PPFIA2: variants seen among roughly 807,000 people sequenced by gnomAD.
The protein encoded by PPFIA2 is liprin-alpha-2.
A neutral mutation model predicts 175.5 loss-of-function variants in PPFIA2; 46 were observed. That is an observed-to-expected ratio of 0.26 (90% CI 0.21 to 0.34). The LOEUF is 0.34. PPFIA2 is among the 10% of genes least tolerant of loss of function. The probability of loss-of-function intolerance (pLI) is 1.00; values close to 1 mark genes in which losing one functional copy is unlikely to be tolerated. For missense variants in PPFIA2, 1,179 were observed against 1,506.1 expected, an observed-to-expected ratio of 0.78 and a Z score of 3.60; for synonymous variants, 568 against 511.4, an observed-to-expected ratio of 1.11 and a Z score of -1.49.
At chr12:81,743,108 C>T (rs2082530312) in intron 3 of PPFIA2, among the ~76,000 whole-genome samples, 2 of 151,852 alleles carry the variant, frequency 1.3e-5, no homozygotes, top group African/African-American at 4.8e-5. Flanking sequence ...AAAATAAGAA[C>T]AGACGTAGCC....
intron 21 of PPFIA2, among the ~76,000 whole-genome samples, chr12:81,330,567 C>T (rs991743343): frequency 1.3e-5 from 2 of 152,140 alleles, no homozygotes; most frequent in African/African-American, 2.4e-5. Context: ...ATTTCCCAGT[C>T]CTTAAATTTC....
chr12:81,340,048 T>C (rs2057791469), intron 20 of PPFIA2, among the ~76,000 whole-genome samples: 1 of 152,152 alleles, frequency 6.6e-6, no homozygotes, highest in Non-Finnish European at 1.5e-5. Flanking sequence ...TTAGTTTCTA[T>C]AGTTGTTAAT....
intron 3 of PPFIA2, among the ~76,000 whole-genome samples, chr12:81,709,817 A>C (rs192277008): frequency 3.9e-5 from 6 of 152,096 alleles, no homozygotes; most frequent in Non-Finnish European, 7.4e-5. Context: ...GATATTTTTC[A>C]CTTGCCTGAT....
intron 4 of PPFIA2, among the ~76,000 whole-genome samples, chr12:81,645,163 TAAAG>T (rs1351257373): frequency 7.0e-6 from 1 of 143,560 alleles, no homozygotes; most frequent in East Asian, 2.0e-4. Flanking sequence ...GAAAAGGAAA[TAAAG>T]AAAGAGAGAT....
intron 4 of PPFIA2, among the ~76,000 whole-genome samples, chr12:81,561,517 C>T (rs185091992): frequency 2.0e-5 from 3 of 151,236 alleles, no homozygotes; most frequent in Non-Finnish European, 4.4e-5. Flanking sequence ...AGTCCCCCCC[C>T]AAAAAAAACG....
chr12:81,536,745 C>CATATATATAT (rs3075445), intron 4 of PPFIA2, among the ~76,000 whole-genome samples: 4,877 of 136,522 alleles, frequency 0.036, 127 homozygotes, highest in Middle Eastern at 0.052. Flanking sequence ...TATACATAAA[C>CATATATATAT]ATATATATAT....
chr12:81,343,366 A>T (rs879918076), intron 19 of PPFIA2, among the ~76,000 whole-genome samples: 1 of 152,108 alleles, frequency 6.6e-6, no homozygotes, highest in Non-Finnish European at 1.5e-5. Flanking sequence ...ATGGAGGTCA[A>T]AGAAAATAAG....
chr12:81,733,198 A>C (rs1327009382), intron 3 of PPFIA2, among the ~76,000 whole-genome samples: 1 of 151,586 alleles, frequency 6.6e-6, no homozygotes, highest in Non-Finnish European at 1.5e-5. Flanking sequence ...TCTTAAGAAT[A>C]TCTCTCTTTT....
At chr12:81,361,659 T>G (rs2030409745) in intron 15 of PPFIA2, among the ~76,000 whole-genome samples, 1 of 151,672 alleles carries the variant, frequency 6.6e-6, no homozygotes, top group Non-Finnish European at 1.5e-5. Context: ...AGATATTCAT[T>G]TATTCATTCT....
chr12:81,496,876 T>C (rs1290914009), intron 4 of PPFIA2, among the ~76,000 whole-genome samples: 1 of 152,118 alleles, frequency 6.6e-6, no homozygotes, highest in Non-Finnish European at 1.5e-5. Context: ...ATCTGAGAAG[T>C]TGGATATCCT....
At chr12:81,714,784 T>C (rs2078382765) in intron 3 of PPFIA2, among the ~76,000 whole-genome samples, 2 of 151,216 alleles carry the variant, frequency 1.3e-5, no homozygotes, top group Non-Finnish European at 2.9e-5. Context: ...ATGGAGATAT[T>C]GTACTTTAAT....
At chr12:81,530,225 T>A (rs914560540) in intron 4 of PPFIA2, among the ~76,000 whole-genome samples, 21 of 151,974 alleles carry the variant, frequency 1.4e-4, no homozygotes, top group African/African-American at 4.6e-4. Flanking sequence ...GCTCAAAATA[T>A]CAACTGTCTG....
intron 3 of PPFIA2, among the ~76,000 whole-genome samples, chr12:81,685,201 T>C (rs1177774402): frequency 6.6e-6 from 1 of 152,054 alleles, no homozygotes; most frequent in Admixed American, 6.6e-5. Context: ...CAACCTTTCA[T>C]CACCGAATAC....
In PPFIA2 at chr12:81,258,554, A is replaced by G. The variant is rs1271299754; in HGVS notation, c.*1140T>C. 1 of 152,188 alleles carries G rather than the reference A, an allele frequency of 6.6e-6. No homozygotes were observed. The highest frequency in any genetic ancestry group is 1.5e-5 in the Non-Finnish European group (1 of 68,032). The allele number at this position is 152,188 out of a possible 1,614,324, so 9.4% of individuals were successfully genotyped here. Reference sequence around the variant, plus strand: ...ACACCACCAAATAAAGCCACAGGGAAGAGATTACTCTTCTATACTTTTATA... The same window carrying G: ...ACACCACCAAATAAAGCCACAGGGAGGAGATTACTCTTCTATACTTTTATA... On this transcript the variant is annotated 3_prime_UTR_variant, in exon 33 of 33. Coordinates refer to ENST00000549396, the MANE Select transcript of PPFIA2 (RefSeq NM_003625.5).
At chr12:81,599,510 A>T (rs975046033) in intron 4 of PPFIA2, among the ~76,000 whole-genome samples, 2 of 152,026 alleles carry the variant, frequency 1.3e-5, no homozygotes, top group Admixed American at 6.6e-5. Flanking sequence ...TTAATTTGGG[A>T]ATAATTTCTG....
At chr12:81,483,985 T>A (rs2146800959) in intron 4 of PPFIA2, among the ~76,000 whole-genome samples, 1 of 152,042 alleles carries the variant, frequency 6.6e-6, no homozygotes, top group Admixed American at 6.6e-5. Context: ...GTTTGAAGTA[T>A]CCCTCGGGGT....
At chr12:81,331,825 T>G (rs896598207) in intron 21 of PPFIA2, among the ~76,000 whole-genome samples, 1 of 152,172 alleles carries the variant, frequency 6.6e-6, no homozygotes, top group Non-Finnish European at 1.5e-5. Context: ...TTGTTTCATC[T>G]TTTGCTATGC....
At chr12:81,703,835 G>A (rs976654019) in intron 3 of PPFIA2, among the ~76,000 whole-genome samples, 2 of 152,016 alleles carry the variant, frequency 1.3e-5, no homozygotes, top group Non-Finnish European at 1.5e-5. Flanking sequence ...TCTCTGGAAC[G>A]CTCTTTCTTC....
At chr12:81,272,458 A>C (rs1020876671) in intron 28 of PPFIA2, among the ~76,000 whole-genome samples, 1 of 152,284 alleles carries the variant, frequency 6.6e-6, no homozygotes, top group African/African-American at 2.4e-5. Flanking sequence ...TTCTACTGTT[A>C]AACCACCTAT....
Sources: gnomAD v4.1 joint callset for allele counts (sites outside exome capture counted in the v4.1 genomes callset) on GRCh38, gnomAD v4.1.1 for gene constraint, MANE v1.5 for transcripts, NCBI Gene and HGNC (gene_info 2026-07-23, HGNC 2026-07-21) for gene names.